The following PIGV variants were observed in gnomAD, a reference collection of about 807,000 sequenced individuals.
PIGV encodes GPI alpha-1,6-mannosyltransferase 2.
Under a neutral mutation model 39.2 loss-of-function variants are expected in PIGV, and 27 were observed. That is an observed-to-expected ratio of 0.69 (90% CI 0.51 to 0.95). The LOEUF is 0.95. Ranked by LOEUF, PIGV falls within the 40% of genes least tolerant of loss-of-function variation. PIGV has a pLI of 0.00. For synonymous variants in PIGV, 232 were observed against 241.7 expected (o/e 0.96, Z 0.37); for missense variants, 523 against 586.4 (o/e 0.89, Z 1.12).
chr1:26,793,711 C>G (rs1459530360), intron 2 of PIGV, among the ~76,000 whole-genome samples: 1 of 152,170 alleles, frequency 6.6e-6, no homozygotes, highest in Middle Eastern at 3.2e-3. Context: ...AAGCAATCCT[C>G]CCATCTCAGC....
intron 2 of PIGV, among the ~76,000 whole-genome samples, chr1:26,792,226 C>T (rs902653540): frequency 6.6e-6 from 1 of 152,042 alleles, no homozygotes; most frequent in East Asian, 1.9e-4. Context: ...GATCTTGGCT[C>T]ACTGTAACCT....
rs751691440 is a variant in PIGV, at chr1:26,794,787, C to T, written c.753C>T (p.Pro251=). 13 of 1,614,122 alleles carry T rather than the reference C, an allele frequency of 8.1e-6. No homozygotes were observed. The highest frequency in any genetic ancestry group is 1.0e-5 in the Non-Finnish European group (12 of 1,180,008). Residue 251 remains proline (P), a synonymous_variant, in exon 3 of 4, where the codon CCC becomes CCT. Transcript: ENST00000674202. ...TGTCGGTGTTCACACTTGGCCTTCC[C>T]TTTGCCCTCTTTCAGTATTATGCCT... ...LFLSVFTLGL[P]FALFQYYAYT... is the part of the protein sequence containing the mutation.
At position 26,800,192 on chromosome 1, in the gene PIGV, A is replaced by G. The variant is rs142166928; in HGVS notation, c.*2348A>G. Among the ~76,000 whole-genome samples, 1 of 151,810 alleles carries G rather than the reference A, an allele frequency of 6.6e-6. No individual in the cohort carries two copies. Among genetic ancestry groups the G allele is most frequent in the Non-Finnish European group, 1.5e-5 (1 of 67,950 alleles). ...TTTCTCTCTGACCTTGCAGGGATTT[A>G]GTTGTTCTCTAAGGAGCTAAGGAAT... is the stretch of plus-strand genomic sequence containing the variant. On this transcript the variant is annotated 3_prime_UTR_variant, in exon 4 of 4. Coordinates refer to ENST00000674202, the MANE Select transcript of PIGV (RefSeq NM_017837.4).
At position 26,797,702 on chromosome 1, in the gene PIGV, A is replaced by G; in HGVS notation, c.1340A>G (p.Gln447Arg). ...CTTGCAGAGGACTCCCCACCAGGAC[A>G]AAAGGTCCCCAGAAATCCTATCATG... ...KPLAEDSPPG[Q>R]KVPRNPIMGL... Residue 447 changes from glutamine (Q) to arginine (R), a missense_variant, in exon 4 of 4, where the codon CAA becomes CGA. Coordinates refer to ENST00000674202, the MANE Select transcript of PIGV (RefSeq NM_017837.4). 6.2e-7 allele frequency: 1 copy of G among 1,614,176 alleles called. No homozygotes were observed. Among genetic ancestry groups the G allele is most frequent in the Non-Finnish European group, 8.5e-7 (1 of 1,179,994 alleles).
Position 26,800,511 on chromosome 1 carries a change from C to G in PIGV, c.*2667C>G, listed in dbSNP as rs535499756. Among the ~76,000 whole-genome samples the G allele has an allele frequency of 3.3e-5, 5 of 152,188 alleles. No individual in the cohort carries two copies. The South Asian group carries it at 1.0e-3, about 32-fold the overall frequency. ...GTTTGACATACCTTTACCAGTCCTCCTGGAAAAATGTTACTTTTATTGAAT... is the reference window on the plus strand; with the variant it reads ...GTTTGACATACCTTTACCAGTCCTCGTGGAAAAATGTTACTTTTATTGAAT... On this transcript the variant is annotated 3_prime_UTR_variant, in exon 4 of 4. Coordinates refer to ENST00000674202, the MANE Select transcript of PIGV (RefSeq NM_017837.4).
At chr1:26,790,133 C>T (rs2081291741) in intron 1 of PIGV, among the ~76,000 whole-genome samples, 1 of 152,156 alleles carries the variant, frequency 6.6e-6, no homozygotes, top group Non-Finnish European at 1.5e-5. Context: ...TTTTCTTTTC[C>T]TTCCCCACTT....
intron 3 of PIGV, among the ~76,000 whole-genome samples, chr1:26,796,384 G>C (rs1466007474): frequency 2.0e-5 from 3 of 152,038 alleles, no homozygotes; most frequent in Non-Finnish European, 2.9e-5. Flanking sequence ...GAGCCAGGAT[G>C]GTCTGGATCT....
chr1:26,794,548 T>A lies in PIGV; in HGVS notation c.514T>A (p.Leu172Met). The A allele has an allele frequency of 6.2e-7, 1 of 1,614,196 alleles. No homozygotes were observed. Among genetic ancestry groups the A allele is most frequent in the Non-Finnish European group, 8.5e-7 (1 of 1,180,024 alleles). Residue 172 changes from leucine (L) to methionine (M), a missense_variant, in exon 3 of 4, where the codon TTG (leucine) becomes ATG (methionine). Coordinates refer to ENST00000674202, the MANE Select transcript of PIGV (RefSeq NM_017837.4). The part of the protein sequence containing the change: ...VFLAAGYSEA[L>M]FALLTFSAMG... The stretch of plus-strand genomic sequence containing the variant: ...CCTGGCAGCTGGTTACTCAGAAGCT[T>A]TGTTTGCCCTCCTGACATTCAGTGC...
At position 26,799,940 on chromosome 1, in the gene PIGV, C is replaced by T. The variant is rs1011515034; in HGVS notation, c.*2096C>T. On this transcript the variant is annotated 3_prime_UTR_variant, in exon 4 of 4. Transcript: ENST00000674202. ...GGGTCCTGTTTCAGCTCTTTATTGC[C>T]GAGGTAGGAGCACTGGGTTCTTCGC... Among the ~76,000 whole-genome samples, 13 of 152,144 alleles carry T rather than the reference C, an allele frequency of 8.5e-5. No individual in the cohort carries two copies. Among genetic ancestry groups the T allele is most frequent in the Admixed American group, 6.6e-5 (1 of 15,264 alleles).
intron 1 of PIGV, chr1:26,788,476 A>C (rs1190374630): frequency 6.6e-6 from 1 of 152,316 alleles, no homozygotes; most frequent in Non-Finnish European, 1.5e-5. Context: ...AGGATGTCCC[A>C]GATTCTCAGA....
chr1:26,794,993 A>G lies in PIGV; in HGVS notation c.959A>G (p.Tyr320Cys), dbSNP rs148610857. Residue 320 changes from tyrosine (Y) to cysteine (C), a missense_variant, in exon 3 of 4, where the codon TAT becomes TGT. Coordinates refer to ENST00000674202, the MANE Select transcript of PIGV (RefSeq NM_017837.4). ...VYWNVGFLKY[Y>C]ELKQVPNFLL... ...TGGAATGTTGGCTTTTTGAAATACT[A>G]TGAGCTCAAGCAGGTGCCCAATTTT... The G allele has an allele frequency of 1.4e-5, 23 of 1,614,094 alleles. No homozygotes were observed. Among genetic ancestry groups the G allele is most frequent in the African/African-American group, 2.7e-5 (2 of 74,920 alleles).
At chr1:26,790,642 A>T in intron 1 of PIGV, 117 bp from the exon 2 acceptor site, 2 of 631,654 alleles carry the variant, frequency 3.2e-6, no homozygotes, top group South Asian at 3.6e-5. Context: ...TCATCTGGGA[A>T]GTTAGGTGGT....
intron 2 of PIGV, among the ~76,000 whole-genome samples, chr1:26,793,046 C>T (rs2081332826): frequency 6.6e-6 from 1 of 152,234 alleles, no homozygotes; most frequent in Admixed American, 6.5e-5. Flanking sequence ...CACCTTTGTG[C>T]TTTCAGTACT....
rs766623579 is a variant in PIGV, at chr1:26,794,250, G to C, written c.216G>C (p.Leu72Phe). 1.1e-5 allele frequency: 18 copies of C among 1,614,192 alleles called. No homozygotes were observed. In the South Asian group the frequency reaches 2.0e-4, roughly 18 times the overall value. ...GLSHWDAEHF[L>F]FIAEHGYLYE... is the part of the protein sequence containing the mutation. ...CTCACTGGGATGCTGAACACTTCTT[G>C]TTCATTGCTGAGCATGGCTACCTGT... The change falls in exon 3 of 4, where the codon TTG becomes TTC. Residue 72 changes from leucine (L) to phenylalanine (F), a missense_variant. Physicochemically the swap from Leu to Phe is conservative, Grantham distance 22 (BLOSUM62 0). Transcript: ENST00000674202.
intron 3 of PIGV, among the ~76,000 whole-genome samples, 156 bp downstream of exon 3, chr1:26,795,390 G>T (rs913506585): frequency 1.3e-5 from 2 of 152,096 alleles, no homozygotes; most frequent in Non-Finnish European, 2.9e-5. Context: ...CAGACTCTGG[G>T]TCAGACCTCT....
chr1:26,790,693 A>G, intron 1 of PIGV, 66 bp from the exon 2 acceptor site: 1 of 748,940 alleles, frequency 1.3e-6, no homozygotes. Context: ...GGGAGGTTCC[A>G]GTGACGAATG....
rs2081437179 is a variant in PIGV, at chr1:26,800,505, GTCC to G, written c.*2666_*2668del. ...GAGAGTGTTTGACATACCTTTACCA[GTCC>G]TCCTGGAAAAATGTTACTTTTATTG... On this transcript the variant is annotated 3_prime_UTR_variant, in exon 4 of 4. Transcript: ENST00000674202. Among the ~76,000 whole-genome samples, 1 of 152,090 alleles carries G rather than the reference GTCC, an allele frequency of 6.6e-6. No homozygotes were observed. Among genetic ancestry groups the G allele is most frequent in the Non-Finnish European group, 1.5e-5 (1 of 68,014 alleles).
chr1:26,793,301 C>G (rs541803719), intron 2 of PIGV, among the ~76,000 whole-genome samples: 1 of 152,336 alleles, frequency 6.6e-6, no homozygotes, highest in East Asian at 1.9e-4. Context: ...TTCTTTTCTC[C>G]CATTCTCTGT....
intron 3 of PIGV, among the ~76,000 whole-genome samples, chr1:26,796,156 G>A (rs1054841213): frequency 1.1e-4 from 17 of 149,652 alleles, no homozygotes; most frequent in African/African-American, 9.9e-5. Context: ...TACCACGCTC[G>A]GCCTGAGATT....
Sources: allele counts gnomAD v4.1 joint callset (sites outside exome capture counted in the v4.1 genomes callset), GRCh38; gene constraint gnomAD v4.1.1; transcripts MANE v1.5; gene names NCBI Gene and HGNC (gene_info 2026-07-23, HGNC 2026-07-21).